The following TRAPPC9 variants were observed in gnomAD, a reference collection of about 807,000 sequenced individuals.
TRAPPC9 encodes IKK2 binding protein.
TRAPPC9 carries 83 observed loss-of-function variants against 124.0 expected under a neutral mutation model. The ratio of observed to expected loss-of-function variants is 0.67; its 90% CI spans 0.56 to 0.80. TRAPPC9 has a LOEUF of 0.80. Among genes scored for constraint, TRAPPC9 ranks in the 30% least tolerant of loss-of-function variants. The pLI is 0.00. For missense variants in TRAPPC9, 1,302 were observed against 1,508.3 expected (o/e 0.86, Z 2.27); for synonymous variants, 638 against 617.5 (o/e 1.03, Z -0.49).
chr8:139,947,388 C>G (rs763936978), intron 19 of TRAPPC9, among the ~76,000 whole-genome samples: 2 of 152,016 alleles, frequency 1.3e-5, no homozygotes, highest in African/African-American at 2.4e-5. Flanking sequence ...ATTACTCAGC[C>G]GCCGGGAGCA....
At chr8:140,330,990 T>G (rs2066879257) in intron 9 of TRAPPC9, among the ~76,000 whole-genome samples, 1 of 151,970 alleles carries the variant, frequency 6.6e-6, no homozygotes, top group Non-Finnish European at 1.5e-5. Context: ...TATGGAACCT[T>G]AAAAATCCTC....
intron 17 of TRAPPC9, among the ~76,000 whole-genome samples, chr8:140,161,946 C>T (rs896542422): frequency 2.6e-5 from 4 of 152,138 alleles, no homozygotes; most frequent in East Asian, 1.9e-4. Flanking sequence ...GGCAGCCTCC[C>T]GCAGCCAAGC....
chr8:140,292,013 G>A (rs1332833224), intron 11 of TRAPPC9, among the ~76,000 whole-genome samples: 6 of 152,208 alleles, frequency 3.9e-5, no homozygotes, highest in Non-Finnish European at 5.9e-5. Flanking sequence ...CCTGAGCAGA[G>A]GACCCAGCTG....
chr8:140,437,798 A>G (rs1304774150), intron 3 of TRAPPC9, among the ~76,000 whole-genome samples: 1 of 152,018 alleles, frequency 6.6e-6, no homozygotes, highest in Non-Finnish European at 1.5e-5. Context: ...TTACCCACAC[A>G]ATGGACTCAG....
chr8:140,350,671 A>G (rs529751325), intron 9 of TRAPPC9, among the ~76,000 whole-genome samples: 12 of 152,136 alleles, frequency 7.9e-5, no homozygotes, highest in African/African-American at 2.7e-4. Context: ...GCCCTCATGC[A>G]GAAGCGCACC....
intron 17 of TRAPPC9, among the ~76,000 whole-genome samples, chr8:140,050,376 T>A (rs1430502778): frequency 6.6e-6 from 1 of 152,228 alleles, no homozygotes; most frequent in African/African-American, 2.4e-5. Context: ...TGCTGAGCGA[T>A]GTGCACACAC....
At chr8:139,836,447 C>T (rs1229802314) in intron 21 of TRAPPC9, among the ~76,000 whole-genome samples, 1 of 139,802 alleles carries the variant, frequency 7.2e-6, no homozygotes, top group Non-Finnish European at 1.5e-5. Context: ...CATGGGAAGC[C>T]GCTGGGGGGA....
intron 3 of TRAPPC9, among the ~76,000 whole-genome samples, chr8:140,437,639 T>C (rs1031208898): frequency 6.6e-6 from 1 of 152,054 alleles, no homozygotes; most frequent in African/African-American, 2.4e-5. Context: ...ACGAAAGAAT[T>C]TGTTATATTT....
rs1012294645 is a variant in TRAPPC9, at chr8:139,966,939, T to A, written c.2810+21787A>T. Among the ~76,000 whole-genome samples the A allele has an allele frequency of 2.0e-5, 3 of 152,046 alleles. No individual in the cohort carries two copies. The East Asian group carries it at 5.8e-4, about 29-fold the overall frequency. The stretch of plus-strand genomic sequence containing the variant: ...AGAGAATACAGAGTCAACTGTAAGA[T>A]GACATATTAACATAGGGTAAGAAAA... On this transcript the variant is annotated intron_variant, in intron 19 of 22. Transcript: ENST00000438773.
intron 21 of TRAPPC9, among the ~76,000 whole-genome samples, chr8:139,852,975 G>A (rs745983426): frequency 9.9e-5 from 15 of 152,176 alleles, no homozygotes; most frequent in Non-Finnish European, 1.5e-4. Context: ...TGGGTCAGCC[G>A]CTGACCAAGC....
chr8:140,257,497 T>TG lies in TRAPPC9; in HGVS notation c.2279-4569dup, dbSNP rs1296947079. Among the ~76,000 whole-genome samples the TG allele has an allele frequency of 6.6e-6, 1 of 151,434 alleles. No individual in the cohort carries two copies. The highest frequency in any genetic ancestry group is 1.5e-5 in the Non-Finnish European group (1 of 67,872). On this transcript the variant is annotated intron_variant, in intron 15 of 22. Coordinates refer to ENST00000438773, the MANE Select transcript of TRAPPC9 (RefSeq NM_001160372.4). The surrounding 1 kb of genome is among the most constrained non-coding windows in gnomAD (Gnocchi z 4.6). Reference sequence around the variant, plus strand: ...GCCTCCCCAGACAGGAGCCCAGGAGTGGGAAAAAGGACCCCGTGCCATGCG... The same window carrying TG: ...GCCTCCCCAGACAGGAGCCCAGGAGTGGGGAAAAAGGACCCCGTGCCATGCG...
In TRAPPC9 at chr8:140,252,872, G is replaced by A; in HGVS notation, c.2336C>T (p.Pro779Leu). ...CGTGGCCACCTTCCCAGGCTGCAAA[G>A]GGAACTGGGCAAGGGTTTCCTCTAG... ...WKLEETLAQF[P>L]LQPGKVATFT... is the part of the protein sequence containing the mutation. Residue 779 changes from proline to leucine, a missense_variant, in exon 16 of 23, where the codon CCT (proline) becomes CTT (leucine). Pro to Leu is a moderately conservative substitution (Grantham distance 98, BLOSUM62 -3). Coordinates refer to ENST00000438773, the MANE Select transcript of TRAPPC9 (RefSeq NM_001160372.4). This position sits in a 1 kb window ranked among gnomAD's most constrained non-coding sequence, Gnocchi z 4.2. The A allele has an allele frequency of 6.2e-7, 1 of 1,614,122 alleles. No homozygotes were observed. Among genetic ancestry groups the A allele is most frequent in the Non-Finnish European group, 8.5e-7 (1 of 1,180,034 alleles).
At chr8:139,737,249 A>G (rs911158065) in intron 21 of TRAPPC9, among the ~76,000 whole-genome samples, 2 of 152,106 alleles carry the variant, frequency 1.3e-5, no homozygotes, top group African/African-American at 4.8e-5. Flanking sequence ...CCTGCCTGTC[A>G]GCTTCAGCTG....
At chr8:139,873,976 C>T (rs371637651) in intron 21 of TRAPPC9, among the ~76,000 whole-genome samples, 2 of 152,294 alleles carry the variant, frequency 1.3e-5, no homozygotes, top group Non-Finnish European at 1.5e-5. Context: ...GCTGCCTTGC[C>T]GAGGATCCAG....
intron 9 of TRAPPC9, among the ~76,000 whole-genome samples, chr8:140,349,858 G>A (rs563892967): frequency 1.3e-5 from 2 of 152,216 alleles, no homozygotes; most frequent in African/African-American, 4.8e-5. Flanking sequence ...CAGGTAGCCC[G>A]GCAACGGTAG....
At chr8:140,231,068 T>C (rs2063580109) in intron 16 of TRAPPC9, among the ~76,000 whole-genome samples, 1 of 152,214 alleles carries the variant, frequency 6.6e-6, no homozygotes, top group Non-Finnish European at 1.5e-5. Context: ...TTAAAGTCTG[T>C]ATCCAAATAG....
chr8:140,166,307 A>G (rs2061837161), intron 17 of TRAPPC9, among the ~76,000 whole-genome samples: 1 of 152,220 alleles, frequency 6.6e-6, no homozygotes, highest in African/African-American at 2.4e-5. Flanking sequence ...TGGAAAGAAG[A>G]GAAGCCAGAA....
intron 18 of TRAPPC9, among the ~76,000 whole-genome samples, chr8:140,004,402 G>A (rs958423327): frequency 6.6e-6 from 1 of 152,166 alleles, no homozygotes; most frequent in Non-Finnish European, 1.5e-5. Flanking sequence ...ACATCACGAT[G>A]AGTTTGAAGG....
rs76002458 is a variant in TRAPPC9, at chr8:139,987,404, C to T, written c.2810+1322G>A. Among the ~76,000 whole-genome samples, 1,096 of 152,340 alleles carry T rather than the reference C, an allele frequency of 7.2e-3. 7 individuals carry two copies. The highest frequency in any genetic ancestry group is 0.024 in the Middle Eastern group (7 of 294). ...TCCTGTTGCTCCACACCCTCACCAA[C>T]ATTTGGTGCTGTCTTTAACCATCCT... On this transcript the variant is annotated intron_variant, in intron 19 of 22. Coordinates refer to ENST00000438773, the MANE Select transcript of TRAPPC9 (RefSeq NM_001160372.4).
Sources: gnomAD v4.1 joint callset for allele counts (sites outside exome capture counted in the v4.1 genomes callset) on GRCh38, gnomAD v4.1.1 for gene constraint, Gnocchi (gnomAD v3.1) non-coding constraint, MANE v1.5 for transcripts, NCBI Gene and HGNC (gene_info 2026-07-23, HGNC 2026-07-21) for gene names.